DMP1: variants seen among roughly 807,000 people sequenced by gnomAD.
DMP1 encodes the protein dentin matrix acidic phosphoprotein 1.
A neutral mutation model predicts 14.6 loss-of-function variants in DMP1; 20 were observed. That is an observed-to-expected ratio of 1.37 (90% confidence interval 0.96 to 1.99). The LOEUF is 1.99. Ranked by LOEUF, DMP1 falls within the 30% of genes most tolerant of loss-of-function variation. The pLI, the probability that DMP1 is intolerant of heterozygous loss-of-function variation, is 0.00. For missense variants in DMP1, 567 were observed against 620.5 expected (o/e 0.91, Z 0.92); for synonymous variants, 197 against 215.3 (o/e 0.91, Z 0.75).
At chr4:87,653,186 GC>G (rs1439802676) in intron 1 of DMP1, among the ~76,000 whole-genome samples, 4 of 151,426 alleles carry the variant, frequency 2.6e-5, no homozygotes, top group Non-Finnish European at 5.9e-5. Context: ...GAATAACTAT[GC>G]TGAGGAGAGA....
intron 1 of DMP1, among the ~76,000 whole-genome samples, chr4:87,652,707 G>C (rs1046509090): frequency 5.3e-5 from 8 of 152,100 alleles, no homozygotes; most frequent in Non-Finnish European, 8.8e-5. Flanking sequence ...AATGCACAAT[G>C]GCATCCCCAG....
In DMP1 at chr4:87,663,347, C is replaced by A; in HGVS notation, c.*27C>A. 1 of 1,614,054 alleles carries A rather than the reference C, an allele frequency of 6.2e-7. No homozygotes were observed. Among genetic ancestry groups the A allele is most frequent in the South Asian group, 1.1e-5 (1 of 91,012 alleles). On this transcript the variant is annotated 3_prime_UTR_variant, in exon 6 of 6. Coordinates refer to ENST00000339673, the MANE Select transcript of DMP1 (RefSeq NM_004407.4). ...ATCAGCTGTCCTAAGAAGCAGTTGT[C>A]ACATAAAGGAGTCTTAGGGACTTGA...
chr4:87,653,338 G>A (rs1471649959), intron 1 of DMP1, among the ~76,000 whole-genome samples: 3 of 136,186 alleles, frequency 2.2e-5, no homozygotes, highest in Non-Finnish European at 4.6e-5. Context: ...ATGACTTCTT[G>A]AGCCCAATGT....
rs1474197938 is a variant in DMP1, at chr4:87,659,268, A to G, written c.135+16A>G. On this transcript the variant is annotated intron_variant, in intron 4 of 5. Transcript: ENST00000339673. ...ACCACCCTTGGTAACTATCTCATTT[A>G]CTTTTGTCATAAACATCTCATGAAG... is the stretch of plus-strand genomic sequence containing the variant. The G allele has an allele frequency of 6.2e-7, 1 of 1,613,912 alleles. No homozygotes were observed. Among genetic ancestry groups the G allele is most frequent in the East Asian group, 2.2e-5 (1 of 44,852 alleles).
Position 87,654,059 on chromosome 4 carries a change from C to G in DMP1, c.-21-2413C>G, listed in dbSNP as rs555649455. Among the ~76,000 whole-genome samples the G allele has an allele frequency of 4.7e-4, 71 of 152,242 alleles. 1 individual carries two copies. Among genetic ancestry groups the G allele is most frequent in the African/African-American group, 1.6e-3 (67 of 41,538 alleles). ...GACCAAGTGGGGTGGCCCAGCAAAG[C>G]CTGTCCAGATTCTTCTTGGCCTCTC... On this transcript the variant is annotated intron_variant, in intron 1 of 5. Coordinates refer to ENST00000339673, the MANE Select transcript of DMP1 (RefSeq NM_004407.4).
Position 87,662,596 on chromosome 4 carries a change from T to C in DMP1, c.818T>C (p.Ile273Thr), listed in dbSNP as rs1474568442. Residue 273 changes from isoleucine (I) to threonine (T), a missense_variant, in exon 6 of 6, where the codon ATC becomes ACC. Coordinates refer to ENST00000339673, the MANE Select transcript of DMP1 (RefSeq NM_004407.4). ...AGGAAAATTTTTAGGAAGTCTCGCA[T>C]CTCAGAGGAAGATGACAGAAGCGAG... The part of the protein sequence containing the change: ...PSRKIFRKSR[I>T]SEEDDRSELD... 4 of 1,613,962 alleles carry C rather than the reference T, an allele frequency of 2.5e-6. No homozygotes were observed. The East Asian group carries it at 8.9e-5, about 36-fold the overall frequency.
chr4:87,662,339 T>C lies in DMP1; in HGVS notation c.561T>C (p.Ser187=). The change falls in exon 6 of 6, where the codon AGT becomes AGC. Residue 187 remains serine, a synonymous_variant. Transcript: ENST00000339673. ...KPEGGDSTQE[S]ESEEHWVGGG... ...AGGGAGGTGACTCCACTCAAGAGAG[T>C]GAGAGTGAAGAGCACTGGGTGGGAG... is the stretch of plus-strand genomic sequence containing the variant. 6.2e-7 allele frequency: 1 copy of C among 1,612,480 alleles called. No individual in the cohort carries two copies. Among genetic ancestry groups the C allele is most frequent in the Non-Finnish European group, 8.5e-7 (1 of 1,179,550 alleles).
chr4:87,659,608 C>T lies in DMP1; in HGVS notation c.183+130C>T. On this transcript the variant is annotated intron_variant, in intron 5 of 5. Transcript: ENST00000339673. ...CTATGAGTTATGCTGGCTAAAGAGT[C>T]CTATAAAGTAAGAAGAGAAAAATGA... The T allele has an allele frequency of 3.3e-6, 3 of 905,780 alleles. No individual in the cohort carries two copies. The South Asian group carries it at 4.3e-5, about 13-fold the overall frequency. 56.1% of individuals were successfully genotyped at this position (905,780 alleles called of 1,614,324 possible).
rs1352796637 is a variant in DMP1, at chr4:87,662,684, AGACACTG to A, written c.908_914del (p.Asp303AlafsTer29). ...ACTCTACAGAAAACAGCAACTCCAG[AGACACTG>A]GCCTCAGCCAACCCAGGAGAGACAG... On this transcript the variant is annotated frameshift_variant, in exon 6 of 6. Coordinates refer to ENST00000339673, the MANE Select transcript of DMP1 (RefSeq NM_004407.4). LOFTEE classifies it low-confidence loss of function (END_TRUNC). The A allele has an allele frequency of 1.2e-6, 2 of 1,614,164 alleles. No homozygotes were observed. The highest frequency in any genetic ancestry group is 2.2e-5 in the South Asian group (2 of 91,086).
intron 1 of DMP1, 92 bp from the exon 2 acceptor site, chr4:87,656,380 T>C (rs1391763522): frequency 1.7e-5 from 13 of 781,768 alleles, no homozygotes; most frequent in Non-Finnish European, 2.6e-5. Flanking sequence ...CATGGACATT[T>C]GGATGAATTT....
Position 87,663,278 on chromosome 4 carries a change from C to A in DMP1, c.1500C>A (p.Pro500=). 1 of 1,614,230 alleles carries A rather than the reference C, an allele frequency of 6.2e-7. No individual in the cohort carries two copies. Among genetic ancestry groups the A allele is most frequent in the African/African-American group, 1.3e-5 (1 of 75,066 alleles). ...KLTVDAYHNK[P]IGDQDDNDCQ... ...CAGTTGATGCCTATCACAACAAACC[C>A]ATTGGGGACCAAGATGACAATGACT... The change falls in exon 6 of 6, where the codon CCC becomes CCA. Residue 500 remains proline, a synonymous_variant. Transcript: ENST00000339673.
At chr4:87,653,530 A>C (rs977927604) in intron 1 of DMP1, among the ~76,000 whole-genome samples, 2 of 149,618 alleles carry the variant, frequency 1.3e-5, no homozygotes, top group African/African-American at 4.9e-5. Flanking sequence ...GGCTCAAAGA[A>C]TTCTCCCCAC....
At position 87,662,326 on chromosome 4, in the gene DMP1, C is replaced by T. The variant is rs1728924750; in HGVS notation, c.548C>T (p.Ser183Phe). ...RVDSKPEGGD[S>F]TQESESEEHW... ...GACAGCAAGCCTGAGGGAGGTGACT[C>T]CACTCAAGAGAGTGAGAGTGAAGAG... Residue 183 changes from serine to phenylalanine, a missense_variant, in exon 6 of 6, where the codon TCC (serine) becomes TTC (phenylalanine). Coordinates refer to ENST00000339673, the MANE Select transcript of DMP1 (RefSeq NM_004407.4). 2 of 1,613,946 alleles carry T rather than the reference C, an allele frequency of 1.2e-6. No homozygotes were observed. Among genetic ancestry groups the T allele is most frequent in the Admixed American group, 1.7e-5 (1 of 60,022 alleles).
At chr4:87,652,713 C>G (rs773078638) in intron 1 of DMP1, among the ~76,000 whole-genome samples, 7 of 152,066 alleles carry the variant, frequency 4.6e-5, no homozygotes, top group African/African-American at 7.2e-5. Context: ...CAATGGCATC[C>G]CCAGTTTTCT....
intron 1 of DMP1, 102 bp downstream of exon 1, chr4:87,650,486 G>A (rs1728506808): frequency 6.6e-6 from 1 of 152,180 alleles, no homozygotes; most frequent in Non-Finnish European, 1.5e-5. Flanking sequence ...CATGTAGAGA[G>A]AGATGGGAGA....
chr4:87,662,627 TGAC>T lies in DMP1; in HGVS notation c.850_852del (p.Asp284del). 6.2e-7 allele frequency: 1 copy of T among 1,614,100 alleles called. No homozygotes were observed. Among genetic ancestry groups the T allele is most frequent in the Non-Finnish European group, 8.5e-7 (1 of 1,180,026 alleles). ...AGGAAGATGACAGAAGCGAGCTTGA[TGAC>T]AACAACACAATGGAAGAAGTCAAGA... On this transcript the variant is annotated inframe_deletion, in exon 6 of 6. Coordinates refer to ENST00000339673, the MANE Select transcript of DMP1 (RefSeq NM_004407.4).
In DMP1 at chr4:87,663,262, C is replaced by T; in HGVS notation, c.1484C>T (p.Ala495Val). The T allele has an allele frequency of 1.2e-6, 2 of 1,614,216 alleles. No individual in the cohort carries two copies. The highest frequency in any genetic ancestry group is 1.7e-6 in the Non-Finnish European group (2 of 1,180,042). ...EIESRKLTVD[A>V]YHNKPIGDQD... is the part of the protein sequence containing the mutation. The stretch of plus-strand genomic sequence containing the variant: ...GAGAGCCGGAAATTAACAGTTGATG[C>T]CTATCACAACAAACCCATTGGGGAC... Residue 495 changes from alanine (A) to valine (V), a missense_variant, in exon 6 of 6, where the codon GCC becomes GTC. Transcript: ENST00000339673.
intron 1 of DMP1, among the ~76,000 whole-genome samples, chr4:87,653,859 T>C (rs150646027): frequency 9.2e-5 from 14 of 152,120 alleles, no homozygotes; most frequent in Non-Finnish European, 1.9e-4. Flanking sequence ...ACTGACAAAA[T>C]ATAGATTAAT....
Position 87,662,850 on chromosome 4 carries a change from G to C in DMP1, c.1072G>C (p.Glu358Gln), listed in dbSNP as rs941836381. 1 of 1,613,560 alleles carries C rather than the reference G, an allele frequency of 6.2e-7. No individual in the cohort carries two copies. The highest frequency in any genetic ancestry group is 8.5e-7 in the Non-Finnish European group (1 of 1,179,466). ...AGAGAACAGCAGTGAGTCTCAGGAAGAGGTGGTGAGTGAGTCCAGGGGAGA... is the reference window on the plus strand; with the variant it reads ...AGAGAACAGCAGTGAGTCTCAGGAACAGGTGGTGAGTGAGTCCAGGGGAGA... Reference protein sequence around the residue: ...SQENSSESQEEVVSESRGDNP... With the variant: ...SQENSSESQEQVVSESRGDNP... Residue 358 changes from glutamate to glutamine, a missense_variant, in exon 6 of 6, where the codon GAG (glutamate) becomes CAG (glutamine). Physicochemically the swap from Glu to Gln is conservative, Grantham distance 29. Transcript: ENST00000339673.
Sources: allele counts gnomAD v4.1 joint callset (sites outside exome capture counted in the v4.1 genomes callset), GRCh38; gene constraint gnomAD v4.1.1; transcripts MANE v1.5; gene names NCBI Gene and HGNC (gene_info 2026-07-23, HGNC 2026-07-21).